The following HHAT variants were observed in gnomAD, a reference collection of about 807,000 sequenced individuals.
HHAT encodes protein-cysteine N-palmitoyltransferase HHAT.
A neutral mutation model predicts 70.8 loss-of-function variants in HHAT; 47 were observed. The ratio of observed to expected loss-of-function variants is 0.66; its 90% CI spans 0.53 to 0.85. The LOEUF (loss-of-function observed/expected upper bound fraction) is 0.85. Ranked by LOEUF, HHAT falls within the 40% of genes least tolerant of loss-of-function variation. The pLI is 0.00. For missense variants in HHAT, 609 were observed against 604.8 expected (o/e 1.01, Z -0.07); for synonymous variants, 228 against 247.6 (o/e 0.92, Z 0.74).
At chr1:210,516,004 A>G (rs541914116) in intron 9 of HHAT, among the ~76,000 whole-genome samples, 2 of 152,244 alleles carry the variant, frequency 1.3e-5, no homozygotes, top group East Asian at 3.9e-4. Flanking sequence ...CAGAAGGCCA[A>G]AGCTGCAGTG....
intron 8 of HHAT, among the ~76,000 whole-genome samples, chr1:210,503,721 C>G (rs1417329746): frequency 6.6e-6 from 1 of 152,176 alleles, no homozygotes; most frequent in Non-Finnish European, 1.5e-5. Flanking sequence ...TCACTTGGCT[C>G]TAGTCTGGCT....
At chr1:210,495,264 C>T (rs188320978) in intron 8 of HHAT, among the ~76,000 whole-genome samples, 84 of 150,390 alleles carry the variant, frequency 5.6e-4, no homozygotes, top group African/African-American at 2.0e-3. Flanking sequence ...TATATATTTT[C>T]CATAAAGATT....
chr1:210,534,844 G>C (rs1169311233), intron 9 of HHAT, among the ~76,000 whole-genome samples: 8 of 151,992 alleles, frequency 5.3e-5, no homozygotes, highest in African/African-American at 1.7e-4. Context: ...AAATATATAG[G>C]GTCTAGATTT....
intron 11 of HHAT, among the ~76,000 whole-genome samples, chr1:210,660,078 G>A (rs113662499): frequency 0.26 from 38,918 of 152,030 alleles, 5,967 homozygotes; most frequent in South Asian, 0.36. Context: ...GGGCAATCAG[G>A]AGAAAGAAAT....
chr1:210,455,512 C>T (rs1456647438), intron 7 of HHAT, among the ~76,000 whole-genome samples: 1 of 152,132 alleles, frequency 6.6e-6, no homozygotes, highest in Non-Finnish European at 1.5e-5. Context: ...CAGCTTCACA[C>T]AGGCTCTGTT....
intron 9 of HHAT, among the ~76,000 whole-genome samples, chr1:210,576,866 T>C (rs549593836): frequency 1.8e-4 from 27 of 152,306 alleles, no homozygotes; most frequent in African/African-American, 6.5e-4. Context: ...TGTTTTATGG[T>C]TTTCAATGTA....
At chr1:210,634,471 G>C (rs73063643) in intron 11 of HHAT, among the ~76,000 whole-genome samples, 1 of 152,178 alleles carries the variant, frequency 6.6e-6, no homozygotes, top group Non-Finnish European at 1.5e-5. Flanking sequence ...TGTGTTCTGA[G>C]GGTTGTCAAT....
intron 8 of HHAT, among the ~76,000 whole-genome samples, chr1:210,510,219 G>A (rs185165782): frequency 1.3e-5 from 2 of 152,236 alleles, no homozygotes; most frequent in Non-Finnish European, 2.9e-5. Context: ...AGATGGGAGA[G>A]GGAATTGGTT....
At chr1:210,526,876 A>G (rs922174752) in intron 9 of HHAT, among the ~76,000 whole-genome samples, 4 of 152,194 alleles carry the variant, frequency 2.6e-5, no homozygotes, top group Admixed American at 6.5e-5. Context: ...TATGAAATAT[A>G]TATTTGGTCT....
At chr1:210,508,714 A>G (rs530254062) in intron 8 of HHAT, among the ~76,000 whole-genome samples, 1 of 152,280 alleles carries the variant, frequency 6.6e-6, no homozygotes, top group South Asian at 2.1e-4. Flanking sequence ...CTTGATTTTC[A>G]TTTTATATAT....
At chr1:210,357,649 G>A (rs1026449776) in intron 2 of HHAT, among the ~76,000 whole-genome samples, 3 of 152,012 alleles carry the variant, frequency 2.0e-5, no homozygotes, top group Non-Finnish European at 4.4e-5. Context: ...GTGAAACCCC[G>A]TCTCTACTAA....
At chr1:210,504,646 C>T (rs940155533) in intron 8 of HHAT, among the ~76,000 whole-genome samples, 1 of 152,148 alleles carries the variant, frequency 6.6e-6, no homozygotes, top group Non-Finnish European at 1.5e-5. Flanking sequence ...GGCCATTTTC[C>T]CAGACCCTCC....
chr1:210,629,590 C>G (rs571761474), intron 11 of HHAT, among the ~76,000 whole-genome samples: 2 of 152,322 alleles, frequency 1.3e-5, no homozygotes, highest in East Asian at 3.9e-4. Flanking sequence ...AGTTTGAAAT[C>G]AGTCTCACTG....
chr1:210,537,808 A>G (rs2492794), intron 9 of HHAT, among the ~76,000 whole-genome samples: 483 of 152,314 alleles, frequency 3.2e-3, no homozygotes, highest in Non-Finnish European at 5.5e-3. Context: ...TTAAGGAGAA[A>G]CAGAACAAAG....
intron 8 of HHAT, among the ~76,000 whole-genome samples, chr1:210,502,368 A>G (rs933376968): frequency 2.2e-5 from 3 of 135,208 alleles, no homozygotes; most frequent in Admixed American, 7.7e-5. Flanking sequence ...TGGGCAAAAG[A>G]GCAAGACTCA....
At chr1:210,651,186 C>T (rs1000519878) in intron 11 of HHAT, among the ~76,000 whole-genome samples, 1 of 152,322 alleles carries the variant, frequency 6.6e-6, no homozygotes, top group Non-Finnish European at 1.5e-5. Context: ...GCAAATGCCC[C>T]TACTCATCTC....
chr1:210,670,900 T>A (rs1299002060), intron 11 of HHAT, among the ~76,000 whole-genome samples: 1 of 152,120 alleles, frequency 6.6e-6, no homozygotes, highest in African/African-American at 2.4e-5. Flanking sequence ...GAGGCCCTAG[T>A]AGGGTCTCAT....
chr1:210,601,921 G>A (rs984241708), intron 10 of HHAT, among the ~76,000 whole-genome samples: 4 of 144,228 alleles, frequency 2.8e-5, no homozygotes, highest in African/African-American at 1.1e-4. Context: ...TTGGAGCCAT[G>A]AGAATATTTG....
intron 10 of HHAT, among the ~76,000 whole-genome samples, chr1:210,608,921 G>A (rs1027294565): frequency 1.6e-4 from 25 of 152,102 alleles, no homozygotes; most frequent in African/African-American, 1.2e-4. Context: ...GGCGGAAGGC[G>A]AAGGGGATGC....
Sources: allele counts gnomAD v4.1 joint callset (sites outside exome capture counted in the v4.1 genomes callset), GRCh38; gene constraint gnomAD v4.1.1; transcripts MANE v1.5; gene names NCBI Gene and HGNC (gene_info 2026-07-23, HGNC 2026-07-21).